GRM7: variants seen among roughly 807,000 people sequenced by gnomAD.
GRM7 encodes the protein glutamate metabotropic receptor 7.
GRM7 carries 35 observed loss-of-function variants against 84.5 expected under a neutral mutation model. The observed-to-expected ratio is 0.41, with a 90% CI of 0.32 to 0.55. The LOEUF is 0.55. GRM7 is among the 20% of genes least tolerant of loss of function. GRM7 has a pLI of 0.19. For missense variants in GRM7, 1,003 were observed against 1,194.6 expected, an observed-to-expected ratio of 0.84 and a Z score of 2.36; for synonymous variants, 487 against 455.1, an observed-to-expected ratio of 1.07 and a Z score of -0.89.
At chr3:7,645,628 A>G (rs1698600167) in intron 8 of GRM7, among the ~76,000 whole-genome samples, 1 of 151,976 alleles carries the variant, frequency 6.6e-6, no homozygotes, top group Non-Finnish European at 1.5e-5. Context: ...CTAATTGACA[A>G]GCTAATCTCT....
intron 2 of GRM7, among the ~76,000 whole-genome samples, chr3:7,172,901 A>G (rs1695031412): frequency 6.6e-6 from 1 of 152,028 alleles, no homozygotes; most frequent in Non-Finnish European, 1.5e-5. Flanking sequence ...CCAGAGGAGG[A>G]TACACATATA....
intron 4 of GRM7, among the ~76,000 whole-genome samples, chr3:7,364,328 C>T (rs1693788609): frequency 6.6e-6 from 1 of 151,688 alleles, no homozygotes. Flanking sequence ...CAGGCTCTCA[C>T]AGTTTTGGTT....
chr3:7,139,649 C>T (rs960817149), intron 1 of GRM7, among the ~76,000 whole-genome samples: 1 of 151,832 alleles, frequency 6.6e-6, no homozygotes, highest in Non-Finnish European at 1.5e-5. Flanking sequence ...GATTCTAGAT[C>T]AATGTATAGT....
At chr3:6,919,592 A>C (rs1347880879) in intron 1 of GRM7, among the ~76,000 whole-genome samples, 1 of 148,916 alleles carries the variant, frequency 6.7e-6, no homozygotes, top group Non-Finnish European at 1.5e-5. Flanking sequence ...GGACACGCTG[A>C]TCAGCTAGTT....
At chr3:7,460,085 T>C (rs1212212763) in intron 6 of GRM7, among the ~76,000 whole-genome samples, 1 of 85,648 alleles carries the variant, frequency 1.2e-5, no homozygotes, top group Non-Finnish European at 2.2e-5. Flanking sequence ...CAGGGAAAAG[T>C]ATGCTTAAAA....
chr3:7,274,713 AT>A (rs1698988967), intron 2 of GRM7, among the ~76,000 whole-genome samples: 1 of 151,324 alleles, frequency 6.6e-6, no homozygotes, highest in African/African-American at 2.4e-5. Flanking sequence ...TTTATTTTTA[AT>A]TTTCTGTAGT....
At chr3:7,013,046 A>G (rs1309789660) in intron 1 of GRM7, among the ~76,000 whole-genome samples, 2 of 151,858 alleles carry the variant, frequency 1.3e-5, no homozygotes, top group African/African-American at 4.8e-5. Context: ...GACCTTCCTG[A>G]CAACCCCCAG....
At chr3:7,186,039 A>G (rs534594124) in intron 2 of GRM7, among the ~76,000 whole-genome samples, 1 of 151,910 alleles carries the variant, frequency 6.6e-6, no homozygotes, top group East Asian at 1.9e-4. Flanking sequence ...CCAAAATGTC[A>G]GCTTCACCAT....
At chr3:7,568,598 G>C (rs1036792248) in intron 7 of GRM7, among the ~76,000 whole-genome samples, 2 of 152,214 alleles carry the variant, frequency 1.3e-5, no homozygotes, top group African/African-American at 2.4e-5. Flanking sequence ...AGGTGTGGAG[G>C]GAGAGGCGCA....
In GRM7 at chr3:6,861,263, C is replaced by CA. The variant is rs1282206265; in HGVS notation, c.-125dup. ...CTGGTCGCCCCTCCCCGGATTCCCC[C>CA]ACCCTCCGTGCCTGCAGGAGCCCCT... On this transcript the variant is annotated 5_prime_UTR_variant, in exon 1 of 10. Transcript: ENST00000357716. This position sits in a 1 kb window ranked among gnomAD's most constrained non-coding sequence, Gnocchi z 6.4. The CA allele has an allele frequency of 1.3e-6, 1 of 779,658 alleles. No homozygotes were observed. Among genetic ancestry groups the CA allele is most frequent in the African/African-American group, 1.8e-5 (1 of 54,504 alleles). 48.3% of individuals were successfully genotyped at this position (779,658 alleles called of 1,614,324 possible). A position where few individuals can be genotyped will look rare whatever the true frequency, so the allele number is the denominator to read the frequency against.
At chr3:7,206,343 A>AT (rs1243499453) in intron 2 of GRM7, among the ~76,000 whole-genome samples, 10 of 152,216 alleles carry the variant, frequency 6.6e-5, no homozygotes, top group African/African-American at 2.4e-4. Context: ...AATCTATGGA[A>AT]TTTATTTAAC....
At chr3:7,482,218 G>T (rs182272039) in intron 7 of GRM7, among the ~76,000 whole-genome samples, 1 of 152,146 alleles carries the variant, frequency 6.6e-6, no homozygotes, top group African/African-American at 2.4e-5. Flanking sequence ...ACAAAAAACA[G>T]AAATGAATAT....
intron 1 of GRM7, among the ~76,000 whole-genome samples, chr3:7,002,877 T>C: frequency 6.6e-6 from 1 of 152,138 alleles, no homozygotes; most frequent in South Asian, 2.1e-4. Flanking sequence ...GAAAATGTGG[T>C]ATATTACACA....
At chr3:7,727,663 ATGCCGACCCAATT>A (rs1702173330) in intron 9 of GRM7, among the ~76,000 whole-genome samples, 1 of 152,212 alleles carries the variant, frequency 6.6e-6, no homozygotes, top group Non-Finnish European at 1.5e-5. Flanking sequence ...TTCACAGTCA[ATGCCGACCCAATT>A]TAACCACATA....
At chr3:7,308,005 T>A (rs776097210) in intron 4 of GRM7, among the ~76,000 whole-genome samples, 1 of 152,116 alleles carries the variant, frequency 6.6e-6, no homozygotes, top group Non-Finnish European at 1.5e-5. Flanking sequence ...TTGGGGAAGA[T>A]ATCGTTGGAT....
chr3:7,677,771 T>C (rs1439411430), intron 8 of GRM7, among the ~76,000 whole-genome samples: 1 of 152,198 alleles, frequency 6.6e-6, no homozygotes, highest in African/African-American at 2.4e-5. Flanking sequence ...ACTGGGTACA[T>C]AGTCAAAAGA....
At chr3:7,422,906 A>C (rs547752858) in intron 5 of GRM7, among the ~76,000 whole-genome samples, 1 of 152,310 alleles carries the variant, frequency 6.6e-6, no homozygotes, top group Non-Finnish European at 1.5e-5. Flanking sequence ...GAATATTACC[A>C]TATGACACTA....
chr3:7,538,082 C>T (rs1348578015), intron 7 of GRM7, among the ~76,000 whole-genome samples: 3 of 151,992 alleles, frequency 2.0e-5, no homozygotes, highest in Non-Finnish European at 4.4e-5. Context: ...GGAGTTTCTG[C>T]CTAGGTTGTT....
At position 7,287,943 on chromosome 3, in the gene GRM7, A is replaced by G. The variant is rs573051951; in HGVS notation, c.737-10741A>G. 1.1e-4 allele frequency among the ~76,000 whole-genome samples: 17 copies of G among 152,308 alleles called. No homozygotes were observed. In the East Asian group the frequency reaches 2.7e-3, roughly 24 times the overall value. ...TTAGCATGCAGAGGTCCCTAATTCA[A>G]TGAAGACTAATCAGGTTTTATAACT... On this transcript the variant is annotated intron_variant, in intron 2 of 9. Transcript: ENST00000357716.
Sources: gnomAD v4.1 joint callset for allele counts (sites outside exome capture counted in the v4.1 genomes callset) on GRCh38, gnomAD v4.1.1 for gene constraint, Gnocchi (gnomAD v3.1) non-coding constraint, MANE v1.5 for transcripts, NCBI Gene and HGNC (gene_info 2026-07-23, HGNC 2026-07-21) for gene names.